The following NUDT19 variants were observed in gnomAD, a reference collection of about 807,000 sequenced individuals.
The protein encoded by NUDT19 is acyl-coenzyme A diphosphatase NUDT19.
A neutral mutation model predicts 22.2 loss-of-function variants in NUDT19; 31 were observed. The observed-to-expected ratio is 1.40, with a 90% CI of 1.05 to 1.89. NUDT19 has a LOEUF of 1.89. Among genes scored for constraint, NUDT19 ranks in the 40% most tolerant of loss-of-function variants. NUDT19 has a pLI of 0.00. For synonymous variants in NUDT19, 325 were observed against 230.8 expected (o/e 1.41, Z -3.70); for missense variants, 752 against 514.2 (o/e 1.46, Z -4.47).
intron 1 of NUDT19, among the ~76,000 whole-genome samples, chr19:32,698,661 C>G (rs1968295615): frequency 6.6e-6 from 1 of 151,948 alleles, no homozygotes; most frequent in African/African-American, 2.4e-5. Context: ...GTTGTGCTCA[C>G]TGACACAGCA....
In NUDT19 at chr19:32,692,088, G is replaced by GGCT. The variant is rs1382420353; in HGVS notation, c.140_142dup (p.Leu47dup). ...CGCCCGCCGCCGGCCGAGGGCTTCC[G>GGCT]GCTGCTGCTGCTGCAGCGCTCCCCG... On this transcript the variant is annotated inframe_insertion, in exon 1 of 3. Coordinates refer to ENST00000397061, the MANE Select transcript of NUDT19 (RefSeq NM_001105570.2). The GGCT allele has an allele frequency of 3.7e-5, 50 of 1,348,434 alleles. No individual in the cohort carries two copies. Among genetic ancestry groups the GGCT allele is most frequent in the East Asian group, 2.5e-4 (8 of 32,300 alleles). The allele number at this position is 1,348,434 out of a possible 1,614,324, so 83.5% of individuals were successfully genotyped here.
Position 32,711,964 on chromosome 19 carries a change from T to TACAAACAAA in NUDT19, c.*8_*9insCAAACAAAA. 6.3e-7 allele frequency: 1 copy of TACAAACAAA among 1,591,590 alleles called. No homozygotes were observed. Among genetic ancestry groups the TACAAACAAA allele is most frequent in the South Asian group, 1.1e-5 (1 of 90,058 alleles). ...AAGAAAAAGCCATTTGTAGGGTGCT[T>TACAAACAAA]AAGCTTGTTTGTAAAATGGCCTACT... On this transcript the variant is annotated 3_prime_UTR_variant, in exon 3 of 3. Transcript: ENST00000397061.
Position 32,692,414 on chromosome 19 carries a change from CCCGGGCCTGGCCTCGCCCTGGAGCCACCG to C in NUDT19, c.469_497del (p.Ala157LeufsTer47), listed in dbSNP as rs757714320. 3.2e-5 allele frequency: 50 copies of C among 1,562,356 alleles called. No individual in the cohort carries two copies. The African/African-American group carries it at 6.1e-4, about 19-fold the overall frequency. ...CAGGACTTCCCCACCAGGCCCAGCA[CCCGGGCCTGGCCTCGCCCTGGAGCCACCG>C]CCGGGCCTGGCCTCCTGGCGCGACC... On this transcript the variant is annotated frameshift_variant, in exon 1 of 3. Transcript: ENST00000397061. LOFTEE classifies it high-confidence loss of function.
Position 32,692,532 on chromosome 19 carries a change from T to C in NUDT19, c.572T>C (p.Ile191Thr). ...LCAHLDCTPD[I>T]WALHNWSAWL... ...GCCCACCTCGACTGCACACCCGACA[T>C]CTGGGCGCTGCACAACTGGAGCGCC... The change falls in exon 1 of 3, where the codon ATC becomes ACC. Residue 191 changes from isoleucine to threonine, a missense_variant. Ile to Thr is a moderately conservative substitution (Grantham distance 89, BLOSUM62 -1). Coordinates refer to ENST00000397061, the MANE Select transcript of NUDT19 (RefSeq NM_001105570.2). The C allele has an allele frequency of 1.9e-6, 3 of 1,588,470 alleles. No homozygotes were observed. The highest frequency in any genetic ancestry group is 2.6e-6 in the Non-Finnish European group (3 of 1,170,114).
chr19:32,703,867 T>C (rs12973459), intron 1 of NUDT19, among the ~76,000 whole-genome samples: 1 of 151,586 alleles, frequency 6.6e-6, no homozygotes. Context: ...TTCACCATGT[T>C]GGCCAGGCTG....
chr19:32,698,912 A>C (rs947994135), intron 1 of NUDT19, among the ~76,000 whole-genome samples: 5 of 152,170 alleles, frequency 3.3e-5, no homozygotes, highest in Non-Finnish European at 7.3e-5. Context: ...TTATGCCCCC[A>C]AAATGAAGTG....
rs1004504239 is a variant in NUDT19 at position 32,692,150 on chromosome 19, G to C, written c.190G>C (p.Gly64Arg). The C allele has an allele frequency of 2.7e-6, 4 of 1,504,638 alleles. No homozygotes were observed. The highest frequency in any genetic ancestry group is 1.4e-5 in the African/African-American group (1 of 69,520). The allele number at this position is 1,504,638 out of a possible 1,614,324, so 93.2% of individuals were successfully genotyped here. ...GFMPGAHVFS[G>R]GVLDAADRSA... ...CATGCCGGGCGCGCACGTCTTCTCC[G>C]GCGGAGTGCTGGATGCGGCCGACCG... Residue 64 changes from glycine (G) to arginine (R), a missense_variant, in exon 1 of 3, where the codon GGC becomes CGC. Gly to Arg is a moderately radical substitution (Grantham distance 125). Coordinates refer to ENST00000397061, the MANE Select transcript of NUDT19 (RefSeq NM_001105570.2).
At chr19:32,710,375 T>C (rs1467925049) in intron 2 of NUDT19, among the ~76,000 whole-genome samples, 1 of 142,548 alleles carries the variant, frequency 7.0e-6, no homozygotes, top group East Asian at 2.0e-4. Flanking sequence ...TATGAAATTA[T>C]GAAGAAAATA....
chr19:32,698,817 C>T (rs187466705), intron 1 of NUDT19, among the ~76,000 whole-genome samples: 1 of 152,292 alleles, frequency 6.6e-6, no homozygotes, highest in Admixed American at 6.5e-5. Context: ...TTTAGTGGCC[C>T]TTACTGATGC....
intron 2 of NUDT19, among the ~76,000 whole-genome samples, chr19:32,709,602 A>G (rs767606713): frequency 2.4e-4 from 37 of 152,240 alleles, no homozygotes; most frequent in Middle Eastern, 3.4e-3. Context: ...ATACATTTAT[A>G]TTAATATATT....
intron 1 of NUDT19, among the ~76,000 whole-genome samples, chr19:32,708,255 G>A (rs368821781): frequency 8.3e-4 from 125 of 151,220 alleles, no homozygotes; most frequent in African/African-American, 2.8e-3. Flanking sequence ...GTGAGACCCC[G>A]TCTCTACTGA....
At chr19:32,709,424 G>A (rs1968423212) in intron 2 of NUDT19, 32 bp downstream of exon 2, 4 of 1,573,106 alleles carry the variant, frequency 2.5e-6, no homozygotes, top group Non-Finnish European at 2.6e-6. Flanking sequence ...GCTTTTGTTA[G>A]TATTCACATT....
chr19:32,700,466 A>G (rs1160469382), intron 1 of NUDT19, among the ~76,000 whole-genome samples: 1 of 152,194 alleles, frequency 6.6e-6, no homozygotes, highest in Non-Finnish European at 1.5e-5. Flanking sequence ...TTAGCTAGAC[A>G]GAAAAGTTCT....
At position 32,692,522 on chromosome 19, in the gene NUDT19, A is replaced by G. The variant is rs751450486; in HGVS notation, c.562A>G (p.Thr188Ala). The G allele has an allele frequency of 1.3e-4, 201 of 1,580,332 alleles. No homozygotes were observed. The highest frequency in any genetic ancestry group is 1.7e-4 in the Non-Finnish European group (195 of 1,166,578). The change falls in exon 1 of 3, where the codon ACA becomes GCA. Residue 188 changes from threonine (T) to alanine (A), a missense_variant. Coordinates refer to ENST00000397061, the MANE Select transcript of NUDT19 (RefSeq NM_001105570.2). ...GCGGCTGTGCGCCCACCTCGACTGC[A>G]CACCCGACATCTGGGCGCTGCACAA... ...FLRLCAHLDCTPDIWALHNWS... is the reference protein window; with the variant it reads ...FLRLCAHLDCAPDIWALHNWS...
intron 1 of NUDT19, among the ~76,000 whole-genome samples, chr19:32,698,292 T>C (rs1397838140): frequency 1.8e-4 from 27 of 152,086 alleles, no homozygotes; most frequent in African/African-American, 4.8e-4. Flanking sequence ...GGCTGTAGTA[T>C]AGAAAAAAAT....
intron 1 of NUDT19, among the ~76,000 whole-genome samples, chr19:32,708,088 G>A (rs1383587905): frequency 3.3e-5 from 5 of 151,200 alleles, no homozygotes; most frequent in Non-Finnish European, 7.4e-5. Context: ...AGTAGAGGTT[G>A]CAGTGAGCCA....
intron 1 of NUDT19, among the ~76,000 whole-genome samples, chr19:32,706,188 A>G (rs1968385186): frequency 6.6e-6 from 1 of 152,198 alleles, no homozygotes; most frequent in Non-Finnish European, 1.5e-5. Context: ...CAAAGATTCA[A>G]GTGCACCCTA....
intron 1 of NUDT19, 92 bp from the exon 2 acceptor site, chr19:32,709,093 T>C (rs1213212222): frequency 1.4e-5 from 12 of 831,846 alleles, no homozygotes; most frequent in Non-Finnish European, 2.1e-5. Flanking sequence ...ATTTTACACA[T>C]TCAGTTCTAC....
In NUDT19 at chr19:32,692,687, C is replaced by G. The variant is rs764713123; in HGVS notation, c.714+13C>G. 4.1e-6 allele frequency: 6 copies of G among 1,455,042 alleles called. No individual in the cohort carries two copies. Among genetic ancestry groups the G allele is most frequent in the South Asian group, 1.4e-5 (1 of 69,368 alleles). The allele number at this position is 1,455,042 out of a possible 1,614,324, so 90.1% of individuals were successfully genotyped here. On this transcript the variant is annotated intron_variant, in intron 1 of 2. Coordinates refer to ENST00000397061, the MANE Select transcript of NUDT19 (RefSeq NM_001105570.2). ...GGTGGGCTACCAGGTAAGGCCTGCT[C>G]AGGGCCTTGCTGCGGACCGCCAGGA...
Sources: allele counts gnomAD v4.1 joint callset (sites outside exome capture counted in the v4.1 genomes callset), GRCh38; gene constraint gnomAD v4.1.1; transcripts MANE v1.5; gene names NCBI Gene and HGNC (gene_info 2026-07-23, HGNC 2026-07-21).